PAIP2: variants seen among roughly 807,000 people sequenced by gnomAD.
The protein encoded by PAIP2 is poly(A) binding protein interacting protein 2.
A neutral mutation model predicts 14.8 loss-of-function variants in PAIP2; 7 were observed. The observed-to-expected ratio is 0.47, with a 90% confidence interval of 0.27 to 0.89. The LOEUF (loss-of-function observed/expected upper bound fraction) is 0.89. PAIP2 is among the 40% of genes least tolerant of loss of function. The pLI is 0.13. For missense variants in PAIP2, 122 were observed against 154.7 expected (o/e 0.79, Z 1.12); for synonymous variants, 47 against 45.3 (o/e 1.04, Z -0.15).
At chr5:139,363,635 C>G in intron 1 of PAIP2, 124 bp from the exon 2 acceptor site, 1 of 733,112 alleles carries the variant, frequency 1.4e-6, no homozygotes, top group South Asian at 2.1e-5. Flanking sequence ...GGCAAGAGAT[C>G]GAGGCTGTGG....
intron 1 of PAIP2, among the ~76,000 whole-genome samples, chr5:139,354,540 G>T (rs1235873694): frequency 3.9e-5 from 6 of 152,120 alleles, no homozygotes; most frequent in African/African-American, 1.4e-4. Flanking sequence ...TAGATACATA[G>T]ATTTGTGTCT....
At chr5:139,349,660 A>T (rs955836516) in intron 1 of PAIP2, among the ~76,000 whole-genome samples, 5 of 152,234 alleles carry the variant, frequency 3.3e-5, no homozygotes, top group Non-Finnish European at 5.9e-5. Flanking sequence ...TAAGAAAAGT[A>T]AACATGAAAT....
intron 2 of PAIP2, chr5:139,364,133 A>G (rs1446992946): frequency 5.5e-6 from 3 of 545,272 alleles, no homozygotes; most frequent in African/African-American, 3.8e-5. Flanking sequence ...CACCCTAGAG[A>G]TGTCTGAATC....
intron 2 of PAIP2, 109 bp downstream of exon 2, chr5:139,364,031 C>G (rs1757147989): frequency 2.2e-6 from 2 of 891,274 alleles, no homozygotes; most frequent in Non-Finnish European, 3.5e-6. Context: ...AGTATGTAGA[C>G]TGATGTGCCA....
intron 1 of PAIP2, among the ~76,000 whole-genome samples, chr5:139,356,223 G>A (rs552961034): frequency 1.3e-5 from 2 of 152,026 alleles, no homozygotes; most frequent in African/African-American, 2.4e-5. Context: ...CAAGGCAGGC[G>A]GATCACAAGG....
chr5:139,342,180 G>C (rs1756399066), intron 1 of PAIP2, among the ~76,000 whole-genome samples, 200 bp downstream of exon 1: 1 of 152,202 alleles, frequency 6.6e-6, no homozygotes, highest in South Asian at 2.1e-4. Context: ...TCCGAGACAT[G>C]GCCGTCGCTT....
At chr5:139,361,653 A>C (rs1166661724) in intron 1 of PAIP2, among the ~76,000 whole-genome samples, 3 of 152,258 alleles carry the variant, frequency 2.0e-5, no homozygotes, top group Non-Finnish European at 4.4e-5. Flanking sequence ...ACTCAGGTGA[A>C]AAGATACTGG....
intron 3 of PAIP2, among the ~76,000 whole-genome samples, chr5:139,366,246 TAACTA>T (rs1016560869): frequency 6.8e-6 from 1 of 148,106 alleles, no homozygotes; most frequent in Non-Finnish European, 1.5e-5. Context: ...GGAATTGTGA[TAACTA>T]AACATCAGCA....
At position 139,364,674 on chromosome 5, in the gene PAIP2, T is replaced by G; in HGVS notation, c.249T>G (p.Thr83=). ...TTCCAGCTCGAGATCTCCCACAAAC[T>G]ATGGACCAAATCCAAGACCAGTTTA... The part of the protein sequence containing the change: ...WFIPARDLPQ[T]MDQIQDQFND... Residue 83 remains threonine, a synonymous_variant, in exon 3 of 4, where the codon ACT becomes ACG. Transcript: ENST00000265192. 1 of 1,612,796 alleles carries G rather than the reference T, an allele frequency of 6.2e-7. No homozygotes were observed. The highest frequency in any genetic ancestry group is 8.5e-7 in the Non-Finnish European group (1 of 1,178,804).
chr5:139,357,434 T>G lies in PAIP2; in HGVS notation c.-26-6325T>G, dbSNP rs190764993. 2.8e-4 allele frequency among the ~76,000 whole-genome samples: 43 copies of G among 152,324 alleles called. 1 individual carries two copies. The East Asian group carries it at 7.5e-3, about 27-fold the overall frequency. On this transcript the variant is annotated intron_variant, in intron 1 of 3. Transcript: ENST00000265192. ...GCTACTATATTTACCCTTAACTGTT[T>G]TTGACAAATATGTGTGCTACTGCCC...
intron 1 of PAIP2, among the ~76,000 whole-genome samples, chr5:139,349,621 A>G (rs1294133658): frequency 6.6e-6 from 1 of 152,254 alleles, no homozygotes; most frequent in African/African-American, 2.4e-5. Context: ...TATAGAAAAG[A>G]AATAGTTAAT....
At chr5:139,350,545 C>T (rs904136695) in intron 1 of PAIP2, among the ~76,000 whole-genome samples, 8 of 151,738 alleles carry the variant, frequency 5.3e-5, no homozygotes, top group Admixed American at 1.3e-4. Context: ...ACAGGAAAAG[C>T]ACTTAAACTC....
chr5:139,369,018 G>C lies in PAIP2; in HGVS notation c.*220G>C. On this transcript the variant is annotated 3_prime_UTR_variant, in exon 4 of 4. Coordinates refer to ENST00000265192, the MANE Select transcript of PAIP2 (RefSeq NM_016480.5). ...TAGAATTGGCCCCATGGCTTGATGT[G>C]AAGACAGCAAGGAAAGAAGCACCAG... The C allele has an allele frequency of 2.4e-6, 1 of 419,560 alleles. No homozygotes were observed. The highest frequency in any genetic ancestry group is 4.3e-5 in the South Asian group (1 of 23,504). The allele number at this position is 419,560 out of a possible 1,614,324, so 26.0% of individuals were successfully genotyped here. A position where few individuals can be genotyped will look rare whatever the true frequency, so the allele number is the denominator to read the frequency against.
intron 1 of PAIP2, among the ~76,000 whole-genome samples, chr5:139,359,465 G>A (rs562738746): frequency 1.8e-4 from 28 of 151,980 alleles, no homozygotes; most frequent in African/African-American, 4.1e-4. Context: ...ATGGGCATAA[G>A]TTGGGACAGG....
At chr5:139,345,618 A>G (rs986378601) in intron 1 of PAIP2, among the ~76,000 whole-genome samples, 1 of 150,856 alleles carries the variant, frequency 6.6e-6, no homozygotes. Context: ...GAAGAGAACT[A>G]TGCTTGAATT....
intron 1 of PAIP2, among the ~76,000 whole-genome samples, chr5:139,348,482 G>T (rs1415906089): frequency 6.6e-6 from 1 of 151,728 alleles, no homozygotes; most frequent in Non-Finnish European, 1.5e-5. Context: ...GGCCTCCTGA[G>T]TAGCTGGGAC....
chr5:139,354,094 C>A (rs1410271984), intron 1 of PAIP2, among the ~76,000 whole-genome samples: 1 of 152,134 alleles, frequency 6.6e-6, no homozygotes, highest in Non-Finnish European at 1.5e-5. Context: ...TTTGTGACTA[C>A]CTGTATAAGT....
intron 1 of PAIP2, among the ~76,000 whole-genome samples, chr5:139,354,311 G>T (rs534413523): frequency 6.6e-6 from 1 of 152,106 alleles, no homozygotes; most frequent in South Asian, 2.1e-4. Flanking sequence ...TTCTTAGTTC[G>T]ATTTTTTTTT....
At chr5:139,363,676 C>T in intron 1 of PAIP2, 83 bp from the exon 2 acceptor site, 2 of 1,230,940 alleles carry the variant, frequency 1.6e-6, no homozygotes, top group Non-Finnish European at 2.3e-6. Flanking sequence ...GCACTCCAGC[C>T]TGGATGACGG....
Sources: allele counts gnomAD v4.1 joint callset (sites outside exome capture counted in the v4.1 genomes callset), GRCh38; gene constraint gnomAD v4.1.1; transcripts MANE v1.5; gene names NCBI Gene and HGNC (gene_info 2026-07-23, HGNC 2026-07-21).